Variants in FRMD5 observed in about 807,000 individuals in gnomAD.
FRMD5 encodes FERM domain-containing protein 5.
FRMD5 carries 20 observed loss-of-function variants against 69.0 expected under a neutral mutation model. That is an observed-to-expected ratio of 0.29 (90% CI 0.20 to 0.42). The LOEUF is 0.42. Among genes scored for constraint, FRMD5 ranks in the 10% least tolerant of loss-of-function variants. The probability of loss-of-function intolerance (pLI) is 1.00; values close to 1 mark genes in which losing one functional copy is unlikely to be tolerated. For synonymous variants in FRMD5, 271 were observed against 260.1 expected, an observed-to-expected ratio of 1.04 and a Z score of -0.40; for missense variants, 595 against 708.6, an observed-to-expected ratio of 0.84 and a Z score of 1.82.
intron 1 of FRMD5, among the ~76,000 whole-genome samples, chr15:43,978,336 A>C (rs2090496435): frequency 1.3e-5 from 2 of 152,292 alleles, no homozygotes; most frequent in Non-Finnish European, 2.9e-5. Context: ...TGACCCTACC[A>C]AGTGTTGGCA....
intron 1 of FRMD5, among the ~76,000 whole-genome samples, chr15:44,023,427 A>G (rs1891298307): frequency 6.6e-6 from 1 of 152,224 alleles, no homozygotes; most frequent in Non-Finnish European, 1.5e-5. Context: ...GGGGCTGTGG[A>G]CAGAAAACAG....
intron 1 of FRMD5, among the ~76,000 whole-genome samples, chr15:44,035,432 CTT>C (rs1891863910): frequency 6.6e-6 from 1 of 152,208 alleles, no homozygotes; most frequent in South Asian, 2.1e-4. Context: ...ACACGTCAGA[CTT>C]TGCCTGTGCC....
chr15:44,182,183 A>G (rs191075754), intron 1 of FRMD5, among the ~76,000 whole-genome samples: 10 of 146,028 alleles, frequency 6.8e-5, no homozygotes, highest in African/African-American at 2.5e-4. Flanking sequence ...GCTAAGTTTT[A>G]TATTTTTAGT....
intron 1 of FRMD5, among the ~76,000 whole-genome samples, chr15:44,190,594 G>T (rs2078176549): frequency 6.6e-6 from 1 of 152,176 alleles, no homozygotes; most frequent in African/African-American, 2.4e-5. Context: ...GATAATTGCA[G>T]AAATTGACTT....
At chr15:44,028,782 G>A (rs1205463872) in intron 1 of FRMD5, among the ~76,000 whole-genome samples, 1 of 152,124 alleles carries the variant, frequency 6.6e-6, no homozygotes, top group Non-Finnish European at 1.5e-5. Flanking sequence ...AGTGGATGAG[G>A]GACCTTGCCC....
chr15:44,193,730 C>T (rs936719660), intron 1 of FRMD5, among the ~76,000 whole-genome samples: 2 of 152,198 alleles, frequency 1.3e-5, no homozygotes, highest in Admixed American at 6.5e-5. Flanking sequence ...CTGAACTGAG[C>T]ACGGAGTCAG....
chr15:44,141,121 AATTAT>A (rs778364667), intron 1 of FRMD5, among the ~76,000 whole-genome samples: 6 of 152,144 alleles, frequency 3.9e-5, no homozygotes, highest in Non-Finnish European at 8.8e-5. Context: ...GAAAGTACAC[AATTAT>A]ATTAAAAACC....
intron 1 of FRMD5, among the ~76,000 whole-genome samples, chr15:44,031,901 G>A (rs765219076): frequency 6.6e-6 from 1 of 152,010 alleles, no homozygotes; most frequent in Non-Finnish European, 1.5e-5. Flanking sequence ...AATCTTTATG[G>A]ATCAGGTCCC....
intron 8 of FRMD5, among the ~76,000 whole-genome samples, chr15:43,890,811 G>C (rs2088776153): frequency 6.6e-6 from 1 of 152,170 alleles, no homozygotes; most frequent in Non-Finnish European, 1.5e-5. Flanking sequence ...AGTTTCACCA[G>C]CACTCTGGCT....
intron 7 of FRMD5, among the ~76,000 whole-genome samples, chr15:43,898,953 A>C (rs1487833311): frequency 2.0e-5 from 3 of 152,206 alleles, no homozygotes; most frequent in African/African-American, 7.2e-5. Context: ...ATCAGTGTGC[A>C]CAGGAAGAAC....
intron 1 of FRMD5, among the ~76,000 whole-genome samples, chr15:44,165,809 C>T (rs994005563): frequency 1.3e-5 from 2 of 151,802 alleles, no homozygotes; most frequent in South Asian, 2.1e-4. Flanking sequence ...CCAGCCTGGG[C>T]GACAGAGTGA....
intron 1 of FRMD5, among the ~76,000 whole-genome samples, chr15:44,168,950 C>T (rs1166904171): frequency 6.6e-6 from 1 of 152,184 alleles, no homozygotes; most frequent in Non-Finnish European, 1.5e-5. Context: ...TGATCAATAT[C>T]ATTTCAAGAT....
At chr15:44,110,915 T>C (rs571252298) in intron 1 of FRMD5, among the ~76,000 whole-genome samples, 1 of 152,344 alleles carries the variant, frequency 6.6e-6, no homozygotes, top group East Asian at 1.9e-4. Flanking sequence ...TAATAGCTGA[T>C]TAAATATTAC....
intron 1 of FRMD5, among the ~76,000 whole-genome samples, chr15:44,139,332 T>A (rs1288271931): frequency 7.0e-6 from 1 of 142,700 alleles, no homozygotes; most frequent in Non-Finnish European, 1.5e-5. Context: ...CACACACACT[T>A]TCTTTCATCT....
At chr15:43,962,455 A>G (rs868109368) in intron 1 of FRMD5, among the ~76,000 whole-genome samples, 4 of 152,228 alleles carry the variant, frequency 2.6e-5, no homozygotes, top group African/African-American at 9.6e-5. Context: ...AGGAAGAATC[A>G]GTATCGTGAA....
chr15:43,888,139 TAAGA>T (rs1239360910), intron 10 of FRMD5, 32 bp downstream of exon 10: 1 of 1,507,304 alleles, frequency 6.6e-7, no homozygotes, highest in East Asian at 2.3e-5. Flanking sequence ...ACTCTGGCTC[TAAGA>T]AAGACAGTCC....
chr15:43,985,280 CAAAA>C (rs34455065), intron 1 of FRMD5, among the ~76,000 whole-genome samples: 1 of 77,256 alleles, frequency 1.3e-5, no homozygotes, highest in Non-Finnish European at 2.3e-5. Flanking sequence ...GACTCCGTCT[CAAAA>C]AAAAAAAAAA....
At chr15:43,949,896 T>TA (rs112511482) in intron 1 of FRMD5, among the ~76,000 whole-genome samples, 2,302 of 148,200 alleles carry the variant, frequency 0.016, 64 homozygotes, top group African/African-American at 0.054. Context: ...TCTGCTAACT[T>TA]AAAAAAAAAA....
intron 1 of FRMD5, among the ~76,000 whole-genome samples, chr15:44,172,476 T>C (rs903974850): frequency 1.3e-5 from 2 of 152,080 alleles, no homozygotes; most frequent in African/African-American, 4.8e-5. Context: ...AAAGTATAAA[T>C]AACCAAGAGG....
Sources: gnomAD v4.1 joint callset for allele counts (sites outside exome capture counted in the v4.1 genomes callset) on GRCh38, gnomAD v4.1.1 for gene constraint, MANE v1.5 for transcripts, NCBI Gene and HGNC (gene_info 2026-07-23, HGNC 2026-07-21) for gene names.